Variants in MTMR11 observed in about 807,000 individuals in gnomAD.
MTMR11 encodes myotubularin-related protein 11.
MTMR11 carries 89 observed loss-of-function variants against 100.0 expected under a neutral mutation model. That is an observed-to-expected ratio of 0.89 (90% CI 0.75 to 1.06). The LOEUF (loss-of-function observed/expected upper bound fraction) is 1.06. MTMR11 is among the 50% of genes least tolerant of loss of function. The pLI, the probability that MTMR11 is intolerant of heterozygous loss-of-function variation, is 0.00. For synonymous variants in MTMR11, 336 were observed against 326.3 expected (o/e 1.03, Z -0.32); for missense variants, 809 against 873.7 (o/e 0.93, Z 0.93).
At chr1:149,931,540 T>G (rs1246867973) in intron 12 of MTMR11, 114 bp from the exon 13 acceptor site, 1 of 1,001,208 alleles carries the variant, frequency 1.0e-6, no homozygotes, top group African/African-American at 1.6e-5. Context: ...GGGGAAAGGT[T>G]TGGGGTAGGA....
Position 149,931,288 on chromosome 1 carries a change from C to G in MTMR11, c.1262G>C (p.Arg421Pro), listed in dbSNP as rs782160730. Residue 421 changes from arginine to proline, a missense_variant, in exon 13 of 17, where the codon CGG becomes CCG. Transcript: ENST00000439741. ...WVAAGHPFLT[R>P]LGGTGASEEA... The stretch of plus-strand genomic sequence containing the variant: ...TTCACTGGCCCCAGTTCCCCCAAGC[C>G]GAGTCAGGAAGGGATGTCCAGCTGC... The G allele has an allele frequency of 1.9e-6, 3 of 1,614,042 alleles. No individual in the cohort carries two copies. Among genetic ancestry groups the G allele is most frequent in the Non-Finnish European group, 2.5e-6 (3 of 1,180,006 alleles).
chr1:149,931,620 C>T (rs374325191), intron 12 of MTMR11, 194 bp from the exon 13 acceptor site: 13 of 596,738 alleles, frequency 2.2e-5, no homozygotes, highest in Non-Finnish European at 3.5e-5. Flanking sequence ...GGACTCCACC[C>T]GGATAGAAAT....
chr1:149,935,832 A>C, intron 2 of MTMR11, 127 bp from the exon 3 acceptor site: 2 of 1,168,842 alleles, frequency 1.7e-6, no homozygotes, highest in East Asian at 5.2e-5. Flanking sequence ...AGCCCACTAC[A>C]ATGTAAGCTT....
rs1553767849 is a variant in MTMR11 at position 149,932,303 on chromosome 1, A to G, written c.1013T>C (p.Leu338Pro). The G allele has an allele frequency of 6.2e-7, 1 of 1,614,044 alleles. No individual in the cohort carries two copies. Among genetic ancestry groups the G allele is most frequent in the South Asian group, 1.1e-5 (1 of 91,084 alleles). ...CCATCGTGTTCCTTCCAGGGCTGAA[A>G]GCCATTTATCCTCAGCTACAGATGA... ...PDSSVAEDKW[L>P]SALEGTRWLD... The change falls in exon 11 of 17, where the codon CTT (leucine) becomes CCT (proline). Residue 338 changes from leucine to proline, a missense_variant. By Grantham distance (98) the Leu-to-Pro change is moderately conservative. Transcript: ENST00000439741.
In MTMR11 at chr1:149,935,344, T is replaced by C; in HGVS notation, c.280A>G (p.Ser94Gly). 2 of 1,613,714 alleles carry C rather than the reference T, an allele frequency of 1.2e-6. No individual in the cohort carries two copies. Among genetic ancestry groups the C allele is most frequent in the Non-Finnish European group, 1.7e-6 (2 of 1,179,876 alleles). The change falls in exon 4 of 17, where the codon AGT becomes GGT. Residue 94 changes from serine (S) to glycine (G), a missense_variant. Transcript: ENST00000439741. ...TTGACCAGGGCAAAATCGTATTCAC[T>C]GTTCAAGGGAGTGTCCTAGACGAAA... is the stretch of plus-strand genomic sequence containing the variant. ...WQWNQDTPLN[S>G]EYDFALVNIG...
At chr1:149,933,796 A>G in intron 8 of MTMR11, 59 bp downstream of exon 8, 1 of 1,606,770 alleles carries the variant, frequency 6.2e-7, no homozygotes, top group Non-Finnish European at 8.5e-7. Flanking sequence ...TCCCTCCACG[A>G]TGTCCCTGGC....
intron 8 of MTMR11, 48 bp downstream of exon 8, chr1:149,933,807 C>T (rs1553768238): frequency 1.2e-6 from 2 of 1,607,994 alleles, no homozygotes; most frequent in South Asian, 1.1e-5. Flanking sequence ...TGTCCCTGGC[C>T]CACATGACCC....
At chr1:149,933,281 A>C in intron 10 of MTMR11, 125 bp downstream of exon 10, 1 of 1,350,888 alleles carries the variant, frequency 7.4e-7, no homozygotes, top group South Asian at 1.4e-5. Context: ...GAAAAAAGAA[A>C]AGAAAAGAAA....
chr1:149,935,455 A>G, intron 3 of MTMR11, 96 bp from the exon 4 acceptor site: 1 of 1,576,728 alleles, frequency 6.3e-7, no homozygotes, highest in Non-Finnish European at 8.7e-7. Flanking sequence ...AACCCTAGAG[A>G]GAGTTCCCAC....
chr1:149,932,447 T>A (rs1311459960), intron 10 of MTMR11, 117 bp from the exon 11 acceptor site: 10 of 797,308 alleles, frequency 1.3e-5, no homozygotes, highest in Non-Finnish European at 2.1e-5. Context: ...ATGGCCAGGA[T>A]GGTTTCTAAA....
intron 10 of MTMR11, among the ~76,000 whole-genome samples, chr1:149,933,030 C>G (rs587774810): frequency 6.6e-6 from 1 of 150,632 alleles, no homozygotes; most frequent in South Asian, 2.1e-4. Flanking sequence ...TCTCAGTTCA[C>G]CCGCCTCCTG....
At chr1:149,933,300 A>G in intron 10 of MTMR11, 106 bp downstream of exon 10, 3 of 1,422,826 alleles carry the variant, frequency 2.1e-6, no homozygotes, top group Non-Finnish European at 2.9e-6. Context: ...AAACGGGCTC[A>G]TTGGACTAAA....
chr1:149,930,937 C>A lies in MTMR11; in HGVS notation c.1319G>T (p.Cys440Phe). ...AAACTGCTGGAGGAGCTGCCAGACA[C>A]AATCAAGGAAGAGGAGAAACACCGG... ...EAPVFLLFLDCVWQLLQQFPA... is the reference protein window; with the variant it reads ...EAPVFLLFLDFVWQLLQQFPA... The change falls in exon 14 of 17, where the codon TGT (cysteine) becomes TTT (phenylalanine). Residue 440 changes from cysteine (C) to phenylalanine (F), a missense_variant. Physicochemically the swap from Cys to Phe is radical, Grantham distance 205. Transcript: ENST00000439741. 1 of 1,608,942 alleles carries A rather than the reference C, an allele frequency of 6.2e-7. No homozygotes were observed. The highest frequency in any genetic ancestry group is 8.5e-7 in the Non-Finnish European group (1 of 1,178,498).
chr1:149,936,515 C>T (rs1051768489), intron 1 of MTMR11, 67 bp downstream of exon 1: 1 of 1,316,068 alleles, frequency 7.6e-7, no homozygotes, highest in Non-Finnish European at 1.1e-6. Context: ...TTTGCTTCCC[C>T]CTTTTATCTC....
At position 149,930,924 on chromosome 1, in the gene MTMR11, GAGCT is replaced by G; in HGVS notation, c.1328_1331del (p.Gln443ProfsTer32). 6.2e-7 allele frequency: 1 copy of G among 1,612,394 alleles called. No homozygotes were observed. ...CAAAATCAGCTGGAAACTGCTGGAG[GAGCT>G]GCCAGACACAATCAAGGAAGAGGAG... On this transcript the variant is annotated frameshift_variant, in exon 14 of 17. Transcript: ENST00000439741. LOFTEE classifies it high-confidence loss of function.
Position 149,930,437 on chromosome 1 carries a change from T to C in MTMR11, c.1575A>G (p.Ala525=). 1 of 1,614,062 alleles carries C rather than the reference T, an allele frequency of 6.2e-7. No homozygotes were observed. Among genetic ancestry groups the C allele is most frequent in the Non-Finnish European group, 8.5e-7 (1 of 1,179,946 alleles). The part of the protein sequence containing the change: ...VWDWDLRYSN[A]QILQFQNPGY... ...CAGGATTCTGGAATTGTAGTATCTG[T>C]GCATTGCTATAACGTAAATCCCAGT... The change falls in exon 15 of 17, where the codon GCA becomes GCG. Residue 525 remains alanine (A), a synonymous_variant. Coordinates refer to ENST00000439741, the MANE Select transcript of MTMR11 (RefSeq NM_001145862.2).
rs1553768192 is a variant in MTMR11, at chr1:149,933,655, C to T, written c.815G>A (p.Cys272Tyr). The T allele has an allele frequency of 4.3e-6, 7 of 1,614,176 alleles. No homozygotes were observed. Among genetic ancestry groups the T allele is most frequent in the Admixed American group, 1.7e-5 (1 of 60,028 alleles). ...HHPGGSDLLR[C>Y]GGFYTASDPN... ...GTCACTGGCTGTATAGAAGCCTCCA[C>T]AGCGGAGAAGATCACTGCCCCCAGG... The change falls in exon 9 of 17, where the codon TGT becomes TAT. Residue 272 changes from cysteine (C) to tyrosine (Y), a missense_variant. Transcript: ENST00000439741.
At position 149,935,775 on chromosome 1, in the gene MTMR11, C is replaced by G. The variant is rs1455436133; in HGVS notation, c.143-70G>C. ...TGCCCACACTTGGATACACCCACCC[C>G]TCCAAGAAAGGGAGATCTAAATAGG... On this transcript the variant is annotated intron_variant, in intron 2 of 16. Transcript: ENST00000439741. 8.8e-6 allele frequency: 13 copies of G among 1,478,902 alleles called. No individual in the cohort carries two copies. The African/African-American group carries it at 1.6e-4, about 18-fold the overall frequency. 91.6% of individuals were successfully genotyped at this position (1,478,902 alleles called of 1,614,324 possible).
At chr1:149,931,572 G>A in intron 12 of MTMR11, 146 bp from the exon 13 acceptor site, 1 of 718,328 alleles carries the variant, frequency 1.4e-6, no homozygotes, top group African/African-American at 1.8e-5. Context: ...GCACATAGAA[G>A]TGAAGAGAAA....
Sources: allele counts gnomAD v4.1 joint callset (sites outside exome capture counted in the v4.1 genomes callset), GRCh38; gene constraint gnomAD v4.1.1; transcripts MANE v1.5; gene names NCBI Gene and HGNC (gene_info 2026-07-23, HGNC 2026-07-21).